MDGA2: variants seen among roughly 807,000 people sequenced by gnomAD.
MDGA2 encodes MAM domain-containing glycosylphosphatidylinositol anchor protein 2.
Under a neutral mutation model 117.8 loss-of-function variants are expected in MDGA2, and 40 were observed. The ratio of observed to expected loss-of-function variants is 0.34; its 90% CI spans 0.26 to 0.44. MDGA2 has a LOEUF of 0.44. MDGA2 is among the 20% of genes least tolerant of loss of function. The pLI, the probability that MDGA2 is intolerant of heterozygous loss-of-function variation, is 1.00. For missense variants in MDGA2, 1,123 were observed against 1,250.6 expected (o/e 0.90, Z 1.54); for synonymous variants, 452 against 439.0 (o/e 1.03, Z -0.37).
At chr14:46,987,973 G>A (rs1886928128) in intron 8 of MDGA2, among the ~76,000 whole-genome samples, 1 of 151,670 alleles carries the variant, frequency 6.6e-6, no homozygotes, top group East Asian at 1.9e-4. Flanking sequence ...TGCTGTAGAA[G>A]TATGTTACTA....
chr14:47,530,041 T>A (rs141581944), intron 1 of MDGA2, among the ~76,000 whole-genome samples: 2 of 152,334 alleles, frequency 1.3e-5, no homozygotes, highest in Non-Finnish European at 2.9e-5. Context: ...CAACAGTGCA[T>A]GATGTGCTTC....
At chr14:47,345,233 T>C (rs1199261011) in intron 1 of MDGA2, among the ~76,000 whole-genome samples, 1 of 152,016 alleles carries the variant, frequency 6.6e-6, no homozygotes, top group Non-Finnish European at 1.5e-5. Flanking sequence ...AACAGATGGC[T>C]CTCCTTCGAT....
intron 1 of MDGA2, among the ~76,000 whole-genome samples, chr14:47,452,753 A>G (rs1012592243): frequency 3.9e-5 from 6 of 152,046 alleles, no homozygotes; most frequent in South Asian, 2.1e-4. Context: ...CTAATTCTCC[A>G]ATAGAATGTT....
chr14:46,932,607 C>CT (rs1201344181), intron 9 of MDGA2, among the ~76,000 whole-genome samples: 1 of 151,736 alleles, frequency 6.6e-6, no homozygotes, highest in Non-Finnish European at 1.5e-5. Flanking sequence ...AAAATAAGGC[C>CT]CACGATGATG....
intron 5 of MDGA2, among the ~76,000 whole-genome samples, chr14:47,100,339 C>T (rs1566623815): frequency 6.6e-6 from 1 of 151,986 alleles, no homozygotes; most frequent in Non-Finnish European, 1.5e-5. Flanking sequence ...CAAGCTTCTT[C>T]TTCTGCACTT....
chr14:47,471,154 C>T (rs553137776), intron 1 of MDGA2, among the ~76,000 whole-genome samples: 1 of 151,730 alleles, frequency 6.6e-6, no homozygotes, highest in Non-Finnish European at 1.5e-5. Context: ...TTGTATCTTG[C>T]CAGGTACGTG....
At chr14:46,861,163 A>T (rs1881491172) in intron 14 of MDGA2, among the ~76,000 whole-genome samples, 1 of 151,892 alleles carries the variant, frequency 6.6e-6, no homozygotes, top group Non-Finnish European at 1.5e-5. Context: ...TCCAATCAAG[A>T]AATGCACTTT....
At chr14:47,531,618 T>G (rs553828009) in intron 1 of MDGA2, among the ~76,000 whole-genome samples, 1 of 151,508 alleles carries the variant, frequency 6.6e-6, no homozygotes, top group African/African-American at 2.5e-5. Context: ...TCTAGGAGCA[T>G]AGCATGTTCA....
At chr14:47,360,391 A>AAAT (rs1555376188) in intron 1 of MDGA2, among the ~76,000 whole-genome samples, 8 of 122,994 alleles carry the variant, frequency 6.5e-5, no homozygotes, top group South Asian at 2.9e-4. Context: ...ATAAATAAAT[A>AAAT]AAATAAAATA....
chr14:47,452,842 G>A (rs1385809501), intron 1 of MDGA2, among the ~76,000 whole-genome samples: 1 of 151,894 alleles, frequency 6.6e-6, no homozygotes, highest in Admixed American at 6.6e-5. Flanking sequence ...CATTTTTTGT[G>A]CTCTGGTTAA....
chr14:47,002,377 T>C (rs1389613346), intron 8 of MDGA2, among the ~76,000 whole-genome samples: 1 of 152,074 alleles, frequency 6.6e-6, no homozygotes, highest in Non-Finnish European at 1.5e-5. Flanking sequence ...AAAATATCTG[T>C]TGTGGGAAAT....
At chr14:47,133,881 A>C (rs900372235) in intron 4 of MDGA2, among the ~76,000 whole-genome samples, 35 of 151,974 alleles carry the variant, frequency 2.3e-4, no homozygotes, top group Non-Finnish European at 2.9e-5. Flanking sequence ...ATAATGCTCT[A>C]AACCCTACAA....
intron 5 of MDGA2, among the ~76,000 whole-genome samples, chr14:47,130,750 G>T (rs1022536718): frequency 6.6e-6 from 1 of 152,044 alleles, no homozygotes; most frequent in African/African-American, 2.4e-5. Context: ...AGAGTAAGAT[G>T]ACTTGCTCAA....
At chr14:46,922,792 T>C (rs1321439405) in intron 9 of MDGA2, among the ~76,000 whole-genome samples, 1 of 152,206 alleles carries the variant, frequency 6.6e-6, no homozygotes, top group Non-Finnish European at 1.5e-5. Flanking sequence ...TTTGGTCTTC[T>C]TCCTCCTCTG....
chr14:47,632,604 G>A (rs1351593438), intron 1 of MDGA2, among the ~76,000 whole-genome samples: 6 of 152,234 alleles, frequency 3.9e-5, no homozygotes, highest in African/African-American at 1.2e-4. Context: ...GATCCTTCAT[G>A]AACTGATCAT....
At chr14:47,072,113 G>GGGC (rs1890312503) in intron 6 of MDGA2, among the ~76,000 whole-genome samples, 1 of 87,130 alleles carries the variant, frequency 1.1e-5, no homozygotes, top group African/African-American at 6.9e-5. Flanking sequence ...GGGGGGGGGG[G>GGGC]GTTTGCAGGT....
intron 4 of MDGA2, among the ~76,000 whole-genome samples, chr14:47,141,900 G>A (rs1183705677): frequency 6.6e-6 from 1 of 152,104 alleles, no homozygotes. Context: ...AATGATAAAT[G>A]TATCAGGTAA....
intron 9 of MDGA2, among the ~76,000 whole-genome samples, chr14:46,946,630 G>C (rs1411692331): frequency 6.6e-6 from 1 of 152,094 alleles, no homozygotes; most frequent in African/African-American, 2.4e-5. Context: ...TCAACAAACA[G>C]TTACATAATT....
At chr14:47,212,940 G>A (rs1295123552) in intron 3 of MDGA2, among the ~76,000 whole-genome samples, 3 of 152,104 alleles carry the variant, frequency 2.0e-5, no homozygotes, top group Non-Finnish European at 4.4e-5. Flanking sequence ...TGTCCCGGTT[G>A]CTTCTGAAGC....
Sources: allele counts gnomAD v4.1 joint callset (sites outside exome capture counted in the v4.1 genomes callset), GRCh38; gene constraint gnomAD v4.1.1; transcripts MANE v1.5; gene names NCBI Gene and HGNC (gene_info 2026-07-23, HGNC 2026-07-21).